The following KCNT2 variants were observed in gnomAD, a reference collection of about 807,000 sequenced individuals.
The protein encoded by KCNT2 is potassium sodium-activated channel subfamily T member 2, also known as potassium channel subfamily T member 2.
Under a neutral mutation model 153.8 loss-of-function variants are expected in KCNT2, and 67 were observed. That is an observed-to-expected ratio of 0.44 (90% CI 0.36 to 0.53). KCNT2 has a LOEUF of 0.53. Among genes scored for constraint, KCNT2 ranks in the 20% least tolerant of loss-of-function variants. The probability of loss-of-function intolerance (pLI) is 0.00; values close to 1 mark genes in which losing one functional copy is unlikely to be tolerated. For synonymous variants in KCNT2, 500 were observed against 458.8 expected (o/e 1.09, Z -1.15); for missense variants, 975 against 1,354.8 (o/e 0.72, Z 4.40).
At chr1:196,450,061 G>A (rs1676023843) in intron 8 of KCNT2, among the ~76,000 whole-genome samples, 1 of 151,808 alleles carries the variant, frequency 6.6e-6, no homozygotes, top group South Asian at 2.1e-4. Flanking sequence ...ATCCATTTTA[G>A]TAATATGGTT....
intron 1 of KCNT2, among the ~76,000 whole-genome samples, chr1:196,576,699 G>A (rs943989464): frequency 1.3e-5 from 2 of 151,840 alleles, no homozygotes; most frequent in Non-Finnish European, 2.9e-5. Flanking sequence ...TGAAATAATA[G>A]TATCTCTGGC....
intron 1 of KCNT2, among the ~76,000 whole-genome samples, chr1:196,543,765 A>G (rs1411715774): frequency 6.6e-6 from 1 of 152,156 alleles, no homozygotes; most frequent in Admixed American, 6.5e-5. Flanking sequence ...GAGGATATAG[A>G]AAACCTGGAT....
chr1:196,543,509 GAAATA>G (rs1656658368), intron 1 of KCNT2, among the ~76,000 whole-genome samples: 1 of 151,976 alleles, frequency 6.6e-6, no homozygotes, highest in African/African-American at 2.4e-5. Flanking sequence ...AAAATCTTGG[GAAATA>G]AAATAAGTCC....
In KCNT2 at chr1:196,303,014, T is replaced by C. The variant is rs551924295; in HGVS notation, c.2595+2220A>G. On this transcript the variant is annotated intron_variant, in intron 22 of 27. Transcript: ENST00000294725. ...AAGACATAAGGACAAATGCAAATCT[T>C]AAAAAAAAAAAAAATACCCTGATGA... Among the ~76,000 whole-genome samples the C allele has an allele frequency of 1.1e-4, 16 of 143,644 alleles. No individual in the cohort carries two copies. The South Asian group carries it at 2.2e-3, about 20-fold the overall frequency. The allele number at this position is 143,644 out of a possible 152,430, so 94.2% of individuals were successfully genotyped here. A position where few individuals can be genotyped will look rare whatever the true frequency, so the allele number is the denominator to read the frequency against.
intron 1 of KCNT2, among the ~76,000 whole-genome samples, chr1:196,548,036 A>G (rs921623259): frequency 1.9e-4 from 29 of 152,070 alleles, no homozygotes; most frequent in Admixed American, 1.4e-3. Context: ...AAGAAATTTT[A>G]TGGTGCTACT....
chr1:196,555,778 TGGTA>T, intron 1 of KCNT2, among the ~76,000 whole-genome samples: 1 of 151,242 alleles, frequency 6.6e-6, no homozygotes, highest in Non-Finnish European at 1.5e-5. Flanking sequence ...CAAAACAGCA[TGGTA>T]GGTACTGGCA....
chr1:196,516,384 G>A (rs994322827), intron 1 of KCNT2, among the ~76,000 whole-genome samples: 7 of 152,024 alleles, frequency 4.6e-5, no homozygotes, highest in Non-Finnish European at 7.4e-5. Context: ...TTTTTCACAC[G>A]AGTCCCTGAT....
At position 196,596,800 on chromosome 1, in the gene KCNT2, G is replaced by A. The variant is rs539368056; in HGVS notation, c.95+11415C>T. ...CACCGCAGCCTCGACCTCCCAAGCT[G>A]AAGCGATCCTCCTACCTCAGCCTCC... On this transcript the variant is annotated intron_variant, in intron 1 of 27. Transcript: ENST00000294725. Among the ~76,000 whole-genome samples the A allele has an allele frequency of 2.4e-4, 37 of 152,104 alleles. No individual in the cohort carries two copies. In the South Asian group the frequency reaches 7.7e-3, roughly 32 times the overall value.
intron 1 of KCNT2, among the ~76,000 whole-genome samples, chr1:196,561,530 A>G (rs1659382750): frequency 6.6e-6 from 1 of 151,444 alleles, no homozygotes; most frequent in Admixed American, 6.6e-5. Flanking sequence ...ACCAAAAAGT[A>G]TCTGAGACAA....
intron 12 of KCNT2, among the ~76,000 whole-genome samples, chr1:196,419,613 A>T (rs920437422): frequency 6.6e-6 from 1 of 151,680 alleles, no homozygotes; most frequent in Non-Finnish European, 1.5e-5. Context: ...TTCCAAGGAC[A>T]TTTGGGTTGG....
At chr1:196,565,611 G>A (rs1440452764) in intron 1 of KCNT2, among the ~76,000 whole-genome samples, 2 of 144,576 alleles carry the variant, frequency 1.4e-5, no homozygotes, top group Non-Finnish European at 1.5e-5. Flanking sequence ...ATATATATAT[G>A]TATATATGTT....
intron 1 of KCNT2, among the ~76,000 whole-genome samples, chr1:196,496,602 T>C (rs1388410677): frequency 6.6e-6 from 1 of 152,160 alleles, no homozygotes; most frequent in African/African-American, 2.4e-5. Flanking sequence ...ATACTTTTGA[T>C]ATTAAATGTC....
chr1:196,345,348 G>A (rs1398808422), intron 14 of KCNT2, among the ~76,000 whole-genome samples: 1 of 152,098 alleles, frequency 6.6e-6, no homozygotes, highest in African/African-American at 2.4e-5. Flanking sequence ...AGAGAGGTCT[G>A]GGAGAAGACC....
intron 18 of KCNT2, among the ~76,000 whole-genome samples, chr1:196,328,539 C>T (rs962232853): frequency 4.0e-5 from 6 of 150,586 alleles, no homozygotes; most frequent in African/African-American, 1.2e-4. Flanking sequence ...AAAAGAGCCA[C>T]ATCTACAAGA....
At chr1:196,261,374 A>T (rs957966794) in intron 25 of KCNT2, among the ~76,000 whole-genome samples, 3 of 151,906 alleles carry the variant, frequency 2.0e-5, no homozygotes, top group Non-Finnish European at 4.4e-5. Flanking sequence ...CTATTATTAC[A>T]TTACTACTTT....
intron 1 of KCNT2, among the ~76,000 whole-genome samples, chr1:196,597,680 C>A (rs1558121983): frequency 6.6e-6 from 1 of 152,148 alleles, no homozygotes; most frequent in Non-Finnish European, 1.5e-5. Context: ...AACCTCGCAA[C>A]CCATCTCCAG....
chr1:196,425,742 C>T (rs555168362), intron 11 of KCNT2, 110 bp downstream of exon 11: 469 of 1,084,682 alleles, frequency 4.3e-4, no homozygotes, highest in Non-Finnish European at 6.1e-4. Context: ...TATACTCAAA[C>T]ATACTTTAAC....
intron 14 of KCNT2, among the ~76,000 whole-genome samples, chr1:196,354,160 G>C (rs185184832): frequency 1.9e-4 from 29 of 151,576 alleles, no homozygotes; most frequent in Admixed American, 1.5e-3. Context: ...CATCACACTA[G>C]AGGTAAACTA....
intron 8 of KCNT2, among the ~76,000 whole-genome samples, chr1:196,457,428 T>A (rs901405977): frequency 1.3e-5 from 2 of 150,574 alleles, no homozygotes; most frequent in Non-Finnish European, 3.0e-5. Context: ...AATTGATTAA[T>A]GAAAAAGGCA....
Sources: gnomAD v4.1 joint callset for allele counts (sites outside exome capture counted in the v4.1 genomes callset) on GRCh38, gnomAD v4.1.1 for gene constraint, MANE v1.5 for transcripts, NCBI Gene and HGNC (gene_info 2026-07-23, HGNC 2026-07-21) for gene names.